RBM6: variants seen among roughly 807,000 people sequenced by gnomAD.
RBM6 encodes the protein RNA binding motif protein 6.
RBM6 carries 23 observed loss-of-function variants against 140.4 expected under a neutral mutation model. The observed-to-expected ratio is 0.16, with a 90% CI of 0.12 to 0.23. RBM6 has a LOEUF of 0.23. RBM6 is among the 10% of genes least tolerant of loss of function. RBM6 has a pLI of 1.00. For synonymous variants in RBM6, 439 were observed against 475.6 expected (o/e 0.92, Z 1.00); for missense variants, 1,139 against 1,386.7 (o/e 0.82, Z 2.84).
chr3:50,022,163 G>A (rs2087526213), intron 6 of RBM6, among the ~76,000 whole-genome samples: 1 of 152,066 alleles, frequency 6.6e-6, no homozygotes, highest in Non-Finnish European at 1.5e-5. Flanking sequence ...GAGAGCACTT[G>A]TCTCCCCTGC....
At chr3:49,972,263 G>A in intron 4 of RBM6, 115 bp downstream of exon 4, 1 of 797,632 alleles carries the variant, frequency 1.3e-6, no homozygotes, top group Non-Finnish European at 2.0e-6. Context: ...GAGAAGTCTT[G>A]TGTATTTTTT....
At chr3:50,058,587 G>C in intron 10 of RBM6, 25 bp downstream of exon 10, 1 of 1,574,210 alleles carries the variant, frequency 6.4e-7, no homozygotes, top group Non-Finnish European at 8.7e-7. Flanking sequence ...CCTTGGATTG[G>C]CCTAGAGACA....
At chr3:49,945,036 C>G (rs760277950) in intron 1 of RBM6, among the ~76,000 whole-genome samples, 1 of 151,782 alleles carries the variant, frequency 6.6e-6, no homozygotes, top group Admixed American at 6.6e-5. Flanking sequence ...CCACCACGCC[C>G]GGCTAATTTT....
At chr3:50,031,125 C>T (rs1051423546) in intron 6 of RBM6, among the ~76,000 whole-genome samples, 2 of 152,202 alleles carry the variant, frequency 1.3e-5, no homozygotes, top group East Asian at 3.9e-4. Context: ...CACTTTTACA[C>T]TGTTGGTGGG....
At position 50,048,253 on chromosome 3, in the gene RBM6, A is replaced by G. The variant is rs2089308020; in HGVS notation, c.1566A>G (p.Leu522=). The G allele has an allele frequency of 2.5e-6, 4 of 1,613,062 alleles. No homozygotes were observed. Among genetic ancestry groups the G allele is most frequent in the African/African-American group, 2.7e-5 (2 of 74,910 alleles). ...IGCMEANQGT[L]MIQDKEVTLE... ...TGTCTTTGTCTTTACAGGGAACTCT[A>G]ATGATCCAGGACAAAGAAGTTACCC... is the stretch of plus-strand genomic sequence containing the variant. Residue 522 remains leucine (L), a synonymous_variant, in exon 7 of 21, where the codon CTA becomes CTG. Transcript: ENST00000266022.
intron 6 of RBM6, among the ~76,000 whole-genome samples, chr3:50,039,309 G>A (rs2088729567): frequency 6.6e-6 from 1 of 151,840 alleles, no homozygotes; most frequent in African/African-American, 2.4e-5. Context: ...ACACAATCTC[G>A]GCTCGCTGCA....
At chr3:50,072,044 A>C (rs1307470118) in intron 19 of RBM6, among the ~76,000 whole-genome samples, 1 of 145,704 alleles carries the variant, frequency 6.9e-6, no homozygotes, top group East Asian at 2.0e-4. Context: ...AGATCATGCC[A>C]CTGCACTCTA....
At chr3:50,027,423 A>G (rs1414030598) in intron 6 of RBM6, among the ~76,000 whole-genome samples, 1 of 152,214 alleles carries the variant, frequency 6.6e-6, no homozygotes, top group African/African-American at 2.4e-5. Context: ...TTGTGCAACT[A>G]TCACCACTGA....
At chr3:49,983,816 G>A (rs1312676067) in intron 5 of RBM6, among the ~76,000 whole-genome samples, 1 of 152,120 alleles carries the variant, frequency 6.6e-6, no homozygotes, top group Non-Finnish European at 1.5e-5. Flanking sequence ...TAGGAAGGCA[G>A]GAGACACTAA....
At chr3:50,060,863 A>T in intron 11 of RBM6, 93 bp from the exon 12 acceptor site, 2 of 1,354,620 alleles carry the variant, frequency 1.5e-6, no homozygotes, top group East Asian at 2.5e-5. Context: ...CAAAATGAGG[A>T]ACAGAGGATT....
chr3:50,042,505 G>A (rs932837277), intron 6 of RBM6, among the ~76,000 whole-genome samples: 1 of 152,178 alleles, frequency 6.6e-6, no homozygotes, highest in Non-Finnish European at 1.5e-5. Flanking sequence ...AGCTGAGGCA[G>A]GAGGATCACT....
At chr3:50,017,937 T>C (rs2087254915) in intron 6 of RBM6, among the ~76,000 whole-genome samples, 1 of 152,206 alleles carries the variant, frequency 6.6e-6, no homozygotes, top group African/African-American at 2.4e-5. Context: ...GAACAGTTCC[T>C]GTATAGTTAT....
intron 5 of RBM6, among the ~76,000 whole-genome samples, chr3:49,979,187 G>T (rs1200551178): frequency 6.6e-6 from 1 of 152,136 alleles, no homozygotes; most frequent in Non-Finnish European, 1.5e-5. Flanking sequence ...ACCAAATATT[G>T]TGCAATTCAG....
At chr3:49,988,354 G>A (rs1271973286) in intron 5 of RBM6, among the ~76,000 whole-genome samples, 2 of 151,922 alleles carry the variant, frequency 1.3e-5, no homozygotes, top group East Asian at 3.9e-4. Context: ...GTCTTGCCCA[G>A]GCAGGTCTTG....
intron 7 of RBM6, among the ~76,000 whole-genome samples, chr3:50,052,182 A>G (rs2089496255): frequency 6.6e-6 from 1 of 152,194 alleles, no homozygotes; most frequent in Admixed American, 6.5e-5. Flanking sequence ...CTCGTGCCTC[A>G]GCCTCCCAAG....
chr3:49,972,238 G>C (rs756350607), intron 4 of RBM6, 90 bp downstream of exon 4: 7 of 952,530 alleles, frequency 7.3e-6, no homozygotes, highest in Non-Finnish European at 1.1e-5. Flanking sequence ...ACAAGAAGGT[G>C]CAAAGAAATG....
chr3:49,949,088 C>T (rs1016398620), intron 1 of RBM6, among the ~76,000 whole-genome samples: 2 of 151,102 alleles, frequency 1.3e-5, no homozygotes, highest in Admixed American at 6.6e-5. Flanking sequence ...CTCAGCCTCC[C>T]AAAGTGCTGG....
intron 1 of RBM6, among the ~76,000 whole-genome samples, chr3:49,941,793 A>G (rs796208917): frequency 7.9e-5 from 12 of 151,704 alleles, no homozygotes; most frequent in African/African-American, 2.9e-4. Flanking sequence ...GTCTTGAACT[A>G]CTGACCTCAG....
At chr3:50,046,037 C>A (rs2089201650) in intron 6 of RBM6, among the ~76,000 whole-genome samples, 1 of 152,148 alleles carries the variant, frequency 6.6e-6, no homozygotes, top group African/African-American at 2.4e-5. Flanking sequence ...AATCCCAGCA[C>A]TTTGGGAGGC....
Sources: gnomAD v4.1 joint callset for allele counts (sites outside exome capture counted in the v4.1 genomes callset) on GRCh38, gnomAD v4.1.1 for gene constraint, MANE v1.5 for transcripts, NCBI Gene and HGNC (gene_info 2026-07-23, HGNC 2026-07-21) for gene names.